GRAMD1C: variants seen among roughly 807,000 people sequenced by gnomAD.
GRAMD1C encodes protein Aster-C.
A neutral mutation model predicts 97.8 loss-of-function variants in GRAMD1C; 89 were observed. That is an observed-to-expected ratio of 0.91 (90% CI 0.77 to 1.09). GRAMD1C has a LOEUF of 1.09. GRAMD1C is among the 50% of genes least tolerant of loss of function. The probability of loss-of-function intolerance (pLI) is 0.00; values close to 1 mark genes in which losing one functional copy is unlikely to be tolerated. For missense variants in GRAMD1C, 740 were observed against 766.4 expected (o/e 0.97, Z 0.41); for synonymous variants, 256 against 267.0 (o/e 0.96, Z 0.40).
At chr3:113,873,560 C>G (rs897926723) in intron 3 of GRAMD1C, among the ~76,000 whole-genome samples, 2 of 151,846 alleles carry the variant, frequency 1.3e-5, no homozygotes, top group African/African-American at 4.8e-5. Context: ...ACTCTGTTGC[C>G]CAGGCTGGAG....
In GRAMD1C at chr3:113,935,499, T is replaced by TACAC. The variant is rs1491420187; in HGVS notation, c.1457-766_1457-765insCACA. ...TATACATGCGAGAAATATATATATA[T>TACAC]ATACACACACACACACACATATATG... On this transcript the variant is annotated intron_variant, in intron 13 of 17. Coordinates refer to ENST00000358160, the MANE Select transcript of GRAMD1C (RefSeq NM_017577.5). Among the ~76,000 whole-genome samples the TACAC allele has an allele frequency of 9.0e-3, 1,355 of 150,542 alleles. 19 individuals carry two copies. Among genetic ancestry groups the TACAC allele is most frequent in the African/African-American group, 0.031 (1,260 of 40,584 alleles).
chr3:113,880,305 C>T (rs985909019), intron 5 of GRAMD1C, among the ~76,000 whole-genome samples: 1 of 152,028 alleles, frequency 6.6e-6, no homozygotes, highest in African/African-American at 2.4e-5. Flanking sequence ...TATATCTTTT[C>T]AGACTTCCTT....
In GRAMD1C at chr3:113,911,602, T is replaced by G. The variant is rs374210017; in HGVS notation, c.952+2482T>G. On this transcript the variant is annotated intron_variant, in intron 9 of 17. Coordinates refer to ENST00000358160, the MANE Select transcript of GRAMD1C (RefSeq NM_017577.5). ...TTATTTCTTTCCTTCCTTCCTTCCT[T>G]CTCCCTCCCTCCTTCCCTTCCCTTC... Among the ~76,000 whole-genome samples, 22 of 151,046 alleles carry G rather than the reference T, an allele frequency of 1.5e-4. No individual in the cohort carries two copies. In the East Asian group the frequency reaches 4.1e-3, roughly 28 times the overall value.
intron 9 of GRAMD1C, among the ~76,000 whole-genome samples, chr3:113,911,649 TTTTC>T (rs978276214): frequency 8.6e-5 from 13 of 151,498 alleles, no homozygotes; most frequent in Non-Finnish European, 1.2e-4. Context: ...CCTTCTTTCT[TTTTC>T]TTTCTTTCTT....
chr3:113,875,483 G>C lies in GRAMD1C; in HGVS notation c.260-1G>C. Reference sequence around the variant, plus strand: ...GCTGTATCTTATTTTTGTGTATATAGATTATGCTTGTGCTCTTCAGAGGGA... The same window carrying C: ...GCTGTATCTTATTTTTGTGTATATACATTATGCTTGTGCTCTTCAGAGGGA... On this transcript the variant is annotated splice_acceptor_variant, in intron 3 of 17. Coordinates refer to ENST00000358160, the MANE Select transcript of GRAMD1C (RefSeq NM_017577.5). LOFTEE classifies it high-confidence loss of function. 1 of 1,301,186 alleles carries C rather than the reference G, an allele frequency of 7.7e-7. No individual in the cohort carries two copies. The highest frequency in any genetic ancestry group is 1.1e-6 in the Non-Finnish European group (1 of 892,700). The allele number at this position is 1,301,186 out of a possible 1,614,324, so 80.6% of individuals were successfully genotyped here.
At chr3:113,860,709 T>A (rs1934335361) in intron 2 of GRAMD1C, among the ~76,000 whole-genome samples, 1 of 152,136 alleles carries the variant, frequency 6.6e-6, no homozygotes, top group African/African-American at 2.4e-5. Context: ...CTCACACCTG[T>A]AATCCCAGCA....
intron 2 of GRAMD1C, among the ~76,000 whole-genome samples, chr3:113,849,781 A>C (rs540647362): frequency 3.3e-5 from 5 of 152,176 alleles, no homozygotes; most frequent in South Asian, 2.1e-4. Flanking sequence ...CATTGTCATG[A>C]TGGCCCGTTC....
intron 17 of GRAMD1C, among the ~76,000 whole-genome samples, chr3:113,943,786 C>T (rs1937923834): frequency 6.6e-6 from 1 of 152,002 alleles, no homozygotes; most frequent in African/African-American, 2.4e-5. Flanking sequence ...TGGTAGCAGG[C>T]GCCTGTAGTC....
intron 3 of GRAMD1C, among the ~76,000 whole-genome samples, chr3:113,871,635 C>T (rs1934813694): frequency 6.7e-6 from 1 of 149,376 alleles, no homozygotes; most frequent in South Asian, 2.1e-4. Flanking sequence ...GTCCCAGCTA[C>T]TTGGGAGGCT....
At chr3:113,921,346 A>G (rs1456574830) in intron 10 of GRAMD1C, among the ~76,000 whole-genome samples, 2 of 152,144 alleles carry the variant, frequency 1.3e-5, no homozygotes, top group Admixed American at 6.6e-5. Flanking sequence ...TGTCTTTACT[A>G]TCGTGAATAG....
At chr3:113,842,615 T>C (rs1933385184) in intron 1 of GRAMD1C, among the ~76,000 whole-genome samples, 1 of 152,126 alleles carries the variant, frequency 6.6e-6, no homozygotes, top group Admixed American at 6.6e-5. Context: ...CTCAAATCAG[T>C]ATCATTGTGA....
At chr3:113,900,958 C>A in intron 6 of GRAMD1C, 73 bp from the exon 7 acceptor site, 1 of 815,220 alleles carries the variant, frequency 1.2e-6, no homozygotes. Context: ...GACTTCAAAA[C>A]TCATGTTTTG....
At chr3:113,847,906 A>T (rs1292070921) in intron 2 of GRAMD1C, among the ~76,000 whole-genome samples, 3 of 152,252 alleles carry the variant, frequency 2.0e-5, no homozygotes, top group Non-Finnish European at 4.4e-5. Flanking sequence ...CTGGTATGTA[A>T]GCAAATAATT....
intron 2 of GRAMD1C, among the ~76,000 whole-genome samples, chr3:113,846,270 C>G (rs781517615): frequency 6.6e-6 from 1 of 152,062 alleles, no homozygotes; most frequent in Non-Finnish European, 1.5e-5. Flanking sequence ...CCACACCCAG[C>G]TAATTTTGTA....
At chr3:113,925,518 G>T (rs564258643) in intron 10 of GRAMD1C, among the ~76,000 whole-genome samples, 6 of 151,382 alleles carry the variant, frequency 4.0e-5, no homozygotes, top group Admixed American at 2.0e-4. Context: ...CCAGCATACA[G>T]TTGGGTCTTA....
chr3:113,876,376 C>T lies in GRAMD1C; in HGVS notation c.459+116C>T, dbSNP rs531631108. ...CCTGGAGTTAGGAATATCTGATACACATATGTTTAATACTAGAATTCTGTA... is the reference window on the plus strand; with the variant it reads ...CCTGGAGTTAGGAATATCTGATACATATATGTTTAATACTAGAATTCTGTA... On this transcript the variant is annotated intron_variant, in intron 5 of 17. Coordinates refer to ENST00000358160, the MANE Select transcript of GRAMD1C (RefSeq NM_017577.5). The T allele has an allele frequency of 3.8e-5, 24 of 626,874 alleles. No individual in the cohort carries two copies. In the South Asian group the frequency reaches 4.8e-4, roughly 13 times the overall value. The allele number at this position is 626,874 out of a possible 1,614,324, so 38.8% of individuals were successfully genotyped here. A position where few individuals can be genotyped will look rare whatever the true frequency, so the allele number is the denominator to read the frequency against.
chr3:113,850,301 A>G (rs1933839077), intron 2 of GRAMD1C: 1 of 701,950 alleles, frequency 1.4e-6, no homozygotes, highest in Admixed American at 1.8e-5. Flanking sequence ...GGTTGCTGAC[A>G]CAGCCCCAGC....
At chr3:113,863,713 G>A (rs1313087782) in intron 2 of GRAMD1C, among the ~76,000 whole-genome samples, 1 of 152,174 alleles carries the variant, frequency 6.6e-6, no homozygotes, top group Non-Finnish European at 1.5e-5. Context: ...TTTGCTAGGT[G>A]CAGCCCACAT....
intron 11 of GRAMD1C, among the ~76,000 whole-genome samples, chr3:113,931,492 G>A (rs890780493): frequency 4.0e-5 from 6 of 151,864 alleles, no homozygotes; most frequent in Non-Finnish European, 7.4e-5. Flanking sequence ...CTGAGTAGGT[G>A]GGATTACAGG....
Sources: allele counts gnomAD v4.1 joint callset (sites outside exome capture counted in the v4.1 genomes callset), GRCh38; gene constraint gnomAD v4.1.1; transcripts MANE v1.5; gene names NCBI Gene and HGNC (gene_info 2026-07-23, HGNC 2026-07-21).